The following PCDH11X variants were observed in gnomAD, a reference collection of about 807,000 sequenced individuals.
The protein encoded by PCDH11X is protocadherin-11 X-linked.
In PCDH11X, 18 loss-of-function variants were observed where a neutral mutation model predicts 53.3. The ratio of observed to expected loss-of-function variants is 0.34; its 90% CI spans 0.23 to 0.50. PCDH11X has a LOEUF of 0.50. Ranked by LOEUF, PCDH11X falls within the 20% of genes least tolerant of loss-of-function variation. The probability of loss-of-function intolerance (pLI) is 0.98; values close to 1 mark genes in which losing one functional copy is unlikely to be tolerated. For missense variants in PCDH11X, 570 were observed against 1,032.4 expected (o/e 0.55, Z 6.14); for synonymous variants, 279 against 393.3 (o/e 0.71, Z 3.44).
At chrX:92,061,379 G>A (rs1488320420) in intron 6 of PCDH11X, among the ~76,000 whole-genome samples, 3 of 110,817 alleles carry the variant, frequency 2.7e-5, no homozygotes, top group Non-Finnish European at 5.7e-5. Context: ...ATTTCCTGTT[G>A]GCGAATTGTA....
intron 6 of PCDH11X, among the ~76,000 whole-genome samples, chrX:92,175,756 A>ATATGTG (rs1556139810): frequency 1.4e-5 from 1 of 70,940 alleles, no homozygotes; most frequent in Non-Finnish European, 2.6e-5. Context: ...GTATACATAT[A>ATATGTG]TGTGTGTGTG....
chrX:92,001,893 T>G (rs1602654127), intron 6 of PCDH11X, among the ~76,000 whole-genome samples: 1 of 107,032 alleles, frequency 9.3e-6, no homozygotes, highest in East Asian at 2.9e-4. Context: ...GTGCAGAAAC[T>G]TCTTAACTTG....
chrX:92,025,318 A>C (rs1372304685), intron 6 of PCDH11X, among the ~76,000 whole-genome samples: 5 of 109,877 alleles, frequency 4.6e-5, no homozygotes, highest in African/African-American at 1.7e-4. Context: ...AAAGTGGACA[A>C]AGGATATTAA....
At chrX:92,023,550 G>A (rs999693535) in intron 6 of PCDH11X, among the ~76,000 whole-genome samples, 2 of 109,902 alleles carry the variant, frequency 1.8e-5, no homozygotes, top group African/African-American at 6.6e-5. Flanking sequence ...AAAAGCCCAG[G>A]ACCAGATAAA....
At chrX:92,452,093 A>C (rs1338217178) in intron 9 of PCDH11X, among the ~76,000 whole-genome samples, 2 of 109,317 alleles carry the variant, frequency 1.8e-5, no homozygotes, top group African/African-American at 6.7e-5. Flanking sequence ...TTATGTCGAT[A>C]GAGAGAGAGA....
chrX:92,590,660 G>A (rs1205864268), intron 10 of PCDH11X, among the ~76,000 whole-genome samples: 1 of 111,866 alleles, frequency 8.9e-6, no homozygotes, highest in African/African-American at 3.3e-5. Flanking sequence ...TTTTCAGATG[G>A]GGGAACTATC....
At chrX:91,787,849 A>G (rs1450752340) in intron 1 of PCDH11X, among the ~76,000 whole-genome samples, 1 of 110,197 alleles carries the variant, frequency 9.1e-6, no homozygotes, top group Non-Finnish European at 1.9e-5. Flanking sequence ...AACAACAACA[A>G]CAACAAAGTA....
intron 9 of PCDH11X, among the ~76,000 whole-genome samples, chrX:92,417,734 T>C: frequency 9.1e-6 from 1 of 109,749 alleles, no homozygotes; most frequent in Admixed American, 9.8e-5. Context: ...GCTAGTTGCC[T>C]AATGTGTTTA....
rs1458008671 is a variant in PCDH11X, at chrX:91,848,907, A to T, written c.540+12863A>T. 2.7e-5 allele frequency among the ~76,000 whole-genome samples: 3 copies of T among 111,055 alleles called. No individual in the cohort carries two copies. The East Asian group carries it at 8.5e-4, about 31-fold the overall frequency. ...TTACAATTCAACTATGCATATCAGG[A>T]TTACTGATTTCTTTATATGACATTA... On this transcript the variant is annotated intron_variant, in intron 5 of 10. Coordinates refer to ENST00000682573, the MANE Select transcript of PCDH11X (RefSeq NM_032968.5).
At chrX:92,205,790 G>A (rs931757930) in intron 7 of PCDH11X, among the ~76,000 whole-genome samples, 1 of 109,742 alleles carries the variant, frequency 9.1e-6, no homozygotes, top group Non-Finnish European at 1.9e-5. Context: ...TAGTAGCGAC[G>A]GTGTTTCACC....
intron 6 of PCDH11X, among the ~76,000 whole-genome samples, chrX:92,048,263 T>C (rs2063321346): frequency 1.9e-5 from 2 of 107,939 alleles, no homozygotes; most frequent in Non-Finnish European, 3.8e-5. Flanking sequence ...AAACCGACTT[T>C]CTCTCTCTTC....
intron 8 of PCDH11X, among the ~76,000 whole-genome samples, chrX:92,343,835 C>T (rs1302178122): frequency 9.0e-6 from 1 of 111,278 alleles, no homozygotes; most frequent in East Asian, 2.8e-4. Flanking sequence ...GAAGTGGGTC[C>T]TCTGTTGAGT....
intron 6 of PCDH11X, among the ~76,000 whole-genome samples, chrX:92,192,202 T>C (rs2066204223): frequency 8.9e-6 from 1 of 112,357 alleles, no homozygotes; most frequent in South Asian, 3.7e-4. Flanking sequence ...TAATTGACTT[T>C]TTAAAAAGAA....
intron 8 of PCDH11X, among the ~76,000 whole-genome samples, chrX:92,265,627 G>A (rs761047312): frequency 9.0e-6 from 1 of 111,450 alleles, no homozygotes; most frequent in East Asian, 2.8e-4. Flanking sequence ...ATAGGAATGT[G>A]TATACACATA....
At chrX:91,925,810 A>G (rs1177263061) in intron 6 of PCDH11X, among the ~76,000 whole-genome samples, 1 of 110,646 alleles carries the variant, frequency 9.0e-6, no homozygotes, top group African/African-American at 3.3e-5. Flanking sequence ...TTCAGGCAGT[A>G]CATGGCTTTA....
chrX:91,955,720 G>T (rs2525356), intron 6 of PCDH11X, among the ~76,000 whole-genome samples: 1 of 112,178 alleles, frequency 8.9e-6, no homozygotes, highest in Admixed American at 9.5e-5. Flanking sequence ...GTGGCAACGA[G>T]AAGAATGTAT....
intron 10 of PCDH11X, among the ~76,000 whole-genome samples, chrX:92,609,350 G>A (rs1273574887): frequency 2.7e-5 from 3 of 111,168 alleles, no homozygotes; most frequent in Non-Finnish European, 3.8e-5. Context: ...TAAATTCCCT[G>A]TGCCATTCTG....
chrX:92,116,919 A>G (rs1200766127), intron 6 of PCDH11X, among the ~76,000 whole-genome samples: 3 of 109,247 alleles, frequency 2.7e-5, no homozygotes, highest in Non-Finnish European at 5.7e-5. Flanking sequence ...AAAAAAATCA[A>G]TGTTGGGTTA....
chrX:92,014,507 T>C (rs376964459), intron 6 of PCDH11X, among the ~76,000 whole-genome samples: 1 of 108,473 alleles, frequency 9.2e-6, no homozygotes, highest in Admixed American at 1.0e-4. Context: ...ACTAGAAATA[T>C]CATTTGACCC....
Sources: allele counts gnomAD v4.1 joint callset (sites outside exome capture counted in the v4.1 genomes callset), GRCh38; gene constraint gnomAD v4.1.1; transcripts MANE v1.5; gene names NCBI Gene and HGNC (gene_info 2026-07-23, HGNC 2026-07-21).